Variants in INVS observed in about 807,000 individuals in gnomAD.
INVS encodes inversion of embryo turning homolog.
INVS carries 86 observed loss-of-function variants against 108.8 expected under a neutral mutation model. The observed-to-expected ratio is 0.79, with a 90% CI of 0.66 to 0.95. INVS has a LOEUF of 0.95. INVS is among the 40% of genes least tolerant of loss of function. The pLI is 0.00. For missense variants in INVS, 1,169 were observed against 1,297.4 expected (o/e 0.90, Z 1.52); for synonymous variants, 455 against 473.5 (o/e 0.96, Z 0.51).
intron 3 of INVS, among the ~76,000 whole-genome samples, chr9:100,127,065 G>A (rs953330748): frequency 1.3e-5 from 2 of 151,992 alleles, no homozygotes; most frequent in Admixed American, 6.5e-5. Flanking sequence ...GCATGGTGGC[G>A]CACACTTGCA....
chr9:100,251,212 G>A (rs139206634), intron 8 of INVS, among the ~76,000 whole-genome samples: 1 of 152,194 alleles, frequency 6.6e-6, no homozygotes, highest in East Asian at 1.9e-4. Flanking sequence ...TTCCTAGAAT[G>A]TAACCTTATC....
intron 11 of INVS, among the ~76,000 whole-genome samples, chr9:100,271,011 A>G (rs1303721348): frequency 6.6e-6 from 1 of 152,140 alleles, no homozygotes; most frequent in Non-Finnish European, 1.5e-5. Context: ...ACAATATGAC[A>G]ATAATATTCA....
intron 3 of INVS, among the ~76,000 whole-genome samples, chr9:100,140,323 T>TG (rs1828383321): frequency 6.6e-6 from 1 of 151,704 alleles, no homozygotes; most frequent in African/African-American, 2.4e-5. Context: ...AAGATTTGGG[T>TG]AGGTAAAGGA....
At chr9:100,238,957 A>G (rs1158215552) in intron 5 of INVS, among the ~76,000 whole-genome samples, 3 of 152,262 alleles carry the variant, frequency 2.0e-5, no homozygotes, top group Non-Finnish European at 4.4e-5. Flanking sequence ...TTTCATAACC[A>G]TAAGGGAAAA....
At chr9:100,252,146 T>TA in intron 8 of INVS, 137 bp from the exon 9 acceptor site, 2 of 1,018,500 alleles carry the variant, frequency 2.0e-6, no homozygotes, top group Non-Finnish European at 3.0e-6. Flanking sequence ...AAGCAAAAAA[T>TA]AAATTAGTGA....
chr9:100,265,017 A>T, intron 11 of INVS, 89 bp downstream of exon 11: 1 of 831,548 alleles, frequency 1.2e-6, no homozygotes. Flanking sequence ...ATCTTGGCTC[A>T]CTGCAACCTT....
chr9:100,268,230 TA>T (rs1000750049), intron 11 of INVS, among the ~76,000 whole-genome samples: 28 of 151,996 alleles, frequency 1.8e-4, no homozygotes, highest in African/African-American at 6.3e-4. Flanking sequence ...TATACAGGAT[TA>T]AAAAAAAGAT....
intron 3 of INVS, among the ~76,000 whole-genome samples, chr9:100,225,533 C>T (rs1831289414): frequency 6.6e-6 from 1 of 152,158 alleles, no homozygotes; most frequent in Non-Finnish European, 1.5e-5. Flanking sequence ...CGCATTATTA[C>T]ACTTTGAGTA....
intron 3 of INVS, among the ~76,000 whole-genome samples, chr9:100,202,335 T>C (rs1475032696): frequency 6.6e-6 from 1 of 152,150 alleles, no homozygotes; most frequent in Non-Finnish European, 1.5e-5. Context: ...AAATTTCAGG[T>C]GGATCTTAAA....
chr9:100,225,534 A>G (rs1831289510), intron 3 of INVS, among the ~76,000 whole-genome samples: 1 of 152,192 alleles, frequency 6.6e-6, no homozygotes. Context: ...GCATTATTAC[A>G]CTTTGAGTAT....
intron 2 of INVS, among the ~76,000 whole-genome samples, chr9:100,106,481 G>T (rs995714447): frequency 1.3e-5 from 2 of 151,866 alleles, no homozygotes; most frequent in Non-Finnish European, 1.5e-5. Flanking sequence ...TTTCCCTCAC[G>T]ACTGCATTAG....
chr9:100,207,479 G>A (rs1411238950), intron 3 of INVS, among the ~76,000 whole-genome samples: 2 of 151,996 alleles, frequency 1.3e-5, no homozygotes. Context: ...TTTTAGTAGA[G>A]ATGGGGTTTC....
At chr9:100,119,301 A>G (rs759541409) in intron 2 of INVS, among the ~76,000 whole-genome samples, 1 of 152,232 alleles carries the variant, frequency 6.6e-6, no homozygotes, top group Non-Finnish European at 1.5e-5. Flanking sequence ...GTAGTACCTT[A>G]TAGTGGGGAT....
intron 3 of INVS, among the ~76,000 whole-genome samples, chr9:100,206,093 C>T (rs910888550): frequency 2.0e-5 from 3 of 152,030 alleles, no homozygotes; most frequent in Non-Finnish European, 4.4e-5. Context: ...ATTTCCTCAT[C>T]TAAGTAGTGA....
At chr9:100,203,118 A>G (rs1457020163) in intron 3 of INVS, among the ~76,000 whole-genome samples, 1 of 152,236 alleles carries the variant, frequency 6.6e-6, no homozygotes, top group Non-Finnish European at 1.5e-5. Context: ...TCCAACATAC[A>G]TTTGATGTTT....
intron 3 of INVS, among the ~76,000 whole-genome samples, chr9:100,223,386 C>A (rs1285150328): frequency 6.6e-6 from 1 of 152,112 alleles, no homozygotes; most frequent in Non-Finnish European, 1.5e-5. Context: ...CATGAGCCAC[C>A]ACTCCCAGGC....
chr9:100,266,180 T>C (rs774358707), intron 11 of INVS, among the ~76,000 whole-genome samples: 1 of 152,166 alleles, frequency 6.6e-6, no homozygotes, highest in Non-Finnish European at 1.5e-5. Context: ...CAACTGAGTT[T>C]GTGATCACAC....
Position 100,300,917 on chromosome 9 carries a change from A to G in INVS, c.*243A>G, listed in dbSNP as rs1299165487. The G allele has an allele frequency of 1.8e-6, 1 of 543,526 alleles. No homozygotes were observed. The highest frequency in any genetic ancestry group is 3.3e-6 in the Non-Finnish European group (1 of 302,258). 33.7% of individuals were successfully genotyped at this position (543,526 alleles called of 1,614,324 possible). Reference sequence around the variant, plus strand: ...GACCTGCATAGACTATGTCTGTGCAAAGTGCCTGAGTGTCTGCTTTCACCT... The same window carrying G: ...GACCTGCATAGACTATGTCTGTGCAGAGTGCCTGAGTGTCTGCTTTCACCT... On this transcript the variant is annotated 3_prime_UTR_variant, in exon 17 of 17. Transcript: ENST00000262457.
intron 3 of INVS, among the ~76,000 whole-genome samples, chr9:100,186,044 T>C (rs1465927594): frequency 6.6e-6 from 1 of 152,206 alleles, no homozygotes; most frequent in Non-Finnish European, 1.5e-5. Context: ...CTTACTTTCC[T>C]CGGGGTAAAT....
Sources: allele counts gnomAD v4.1 joint callset (sites outside exome capture counted in the v4.1 genomes callset), GRCh38; gene constraint gnomAD v4.1.1; transcripts MANE v1.5; gene names NCBI Gene and HGNC (gene_info 2026-07-23, HGNC 2026-07-21).